PCDHA7: variants seen among roughly 807,000 people sequenced by gnomAD.
PCDHA7 encodes protocadherin alpha 7.
In PCDHA7, 37 loss-of-function variants were observed where a neutral mutation model predicts 57.2. The ratio of observed to expected loss-of-function variants is 0.65; its 90% CI spans 0.50 to 0.85. PCDHA7 has a LOEUF of 0.85. PCDHA7 is among the 40% of genes least tolerant of loss of function. The pLI is 0.00. For missense variants in PCDHA7, 1,188 were observed against 1,241.8 expected, an observed-to-expected ratio of 0.96 and a Z score of 0.65; for synonymous variants, 553 against 558.8, an observed-to-expected ratio of 0.99 and a Z score of 0.15.
intron 3 of PCDHA7, among the ~76,000 whole-genome samples, chr5:140,985,739 CT>C (rs11372071): frequency 0.013 from 1,497 of 117,900 alleles, 11 homozygotes; most frequent in African/African-American, 0.038. Flanking sequence ...TGATGAATTC[CT>C]TTTTTTTTTT....
At position 140,884,053 on chromosome 5, in the gene PCDHA7, C is replaced by A. The variant is rs782043806; in HGVS notation, c.2355+47315C>A. The stretch of plus-strand genomic sequence containing the variant: ...CAGGCCACGTGGTGGCGAAGGTGCG[C>A]GCGGTGGACGCCGATTCGGGCTACA... On this transcript the variant is annotated intron_variant, in intron 1 of 3. Transcript: ENST00000525929. 10 of 1,613,378 alleles carry A rather than the reference C, an allele frequency of 6.2e-6. No homozygotes were observed. The Admixed American group carries it at 1.2e-4, about 19-fold the overall frequency.
chr5:140,962,339 G>A (rs1454430913), intron 1 of PCDHA7, among the ~76,000 whole-genome samples: 1 of 152,152 alleles, frequency 6.6e-6, no homozygotes, highest in Non-Finnish European at 1.5e-5. Flanking sequence ...TGATAAAGAA[G>A]TAAAACTCCC....
At chr5:141,007,030 A>G (rs1554261014) in intron 3 of PCDHA7, among the ~76,000 whole-genome samples, 1 of 152,186 alleles carries the variant, frequency 6.6e-6, no homozygotes, top group African/African-American at 2.4e-5. Flanking sequence ...TATGGTATTT[A>G]TATCTATGGA....
chr5:140,976,374 A>G (rs1163913998), intron 1 of PCDHA7, among the ~76,000 whole-genome samples: 2 of 152,040 alleles, frequency 1.3e-5, no homozygotes, highest in Non-Finnish European at 2.9e-5. Context: ...AACATGGTGA[A>G]ACCCCATCTC....
At chr5:140,850,114 C>A (rs2150468329) in intron 1 of PCDHA7, 7 of 1,595,992 alleles carry the variant, frequency 4.4e-6, no homozygotes, top group Non-Finnish European at 5.1e-6. Flanking sequence ...GCGCGCGACG[C>A]GGGCGTGCCG....
chr5:140,932,002 T>G (rs1305093438), intron 1 of PCDHA7, among the ~76,000 whole-genome samples: 1 of 151,956 alleles, frequency 6.6e-6, no homozygotes, highest in East Asian at 1.9e-4. Flanking sequence ...CTAAGTTCTT[T>G]CATTTTAGTT....
intron 1 of PCDHA7, chr5:140,850,590 TA>T: frequency 6.3e-7 from 1 of 1,598,434 alleles, no homozygotes; most frequent in Non-Finnish European, 8.6e-7. Flanking sequence ...TGTCAACGTG[TA>T]CCTGATCATC....
intron 1 of PCDHA7, chr5:140,851,868 C>A: frequency 1.0e-6 from 1 of 976,710 alleles, no homozygotes; most frequent in Non-Finnish European, 1.2e-6. Context: ...ATACATAACA[C>A]AAGGCAGAAA....
chr5:140,928,288 C>T (rs541893248), intron 1 of PCDHA7: 37 of 1,614,156 alleles, frequency 2.3e-5, no homozygotes, highest in East Asian at 4.5e-5. Flanking sequence ...CTCTCTAGGC[C>T]GAGTGTTTGC....
intron 1 of PCDHA7, among the ~76,000 whole-genome samples, chr5:140,923,179 G>T (rs982663028): frequency 3.3e-5 from 5 of 152,130 alleles, no homozygotes; most frequent in Admixed American, 1.3e-4. Flanking sequence ...TTGTTCAGAT[G>T]CATCTACTGC....
Position 140,835,609 on chromosome 5 carries a change from T to C in PCDHA7, c.1226T>C (p.Leu409Pro). The change falls in exon 1 of 4, where the codon CTG becomes CCG. Residue 409 changes from leucine (L) to proline (P), a missense_variant. By Grantham distance (98) the Leu-to-Pro change is moderately conservative (BLOSUM62 -3). Coordinates refer to ENST00000525929, the MANE Select transcript of PCDHA7 (RefSeq NM_018910.3). ...TTCAAGAATTACTATTCATTGGTGC[T>C]GGACAGCGCTCTGGACCGCGAGAGT... The part of the protein sequence containing the change: ...STFKNYYSLV[L>P]DSALDRESVS... 1.2e-6 allele frequency: 2 copies of C among 1,613,962 alleles called. No homozygotes were observed. Among genetic ancestry groups the C allele is most frequent in the South Asian group, 2.2e-5 (2 of 91,076 alleles).
At chr5:140,882,016 A>C (rs1403488174) in intron 1 of PCDHA7, 1 of 543,846 alleles carries the variant, frequency 1.8e-6, no homozygotes, top group Non-Finnish European at 3.0e-6. Flanking sequence ...AAAAAATACT[A>C]CATCAATGGA....
At chr5:140,928,220 C>G in intron 1 of PCDHA7, 1 of 1,614,166 alleles carries the variant, frequency 6.2e-7, no homozygotes. Context: ...GACAATACAC[C>G]AAACTTTCCT....
chr5:140,851,627 C>G (rs1278178767), intron 1 of PCDHA7: 1 of 918,180 alleles, frequency 1.1e-6, no homozygotes, highest in Admixed American at 6.3e-5. Context: ...GCTTTTTAAA[C>G]AAGTGTTTCC....
At position 140,851,264 on chromosome 5, in the gene PCDHA7, A is replaced by G. The variant is rs1170850164; in HGVS notation, c.2355+14526A>G. The G allele has an allele frequency of 2.1e-5, 23 of 1,075,328 alleles. 1 individual carries two copies. The highest frequency in any genetic ancestry group is 4.3e-5 in the East Asian group (1 of 23,212). 66.6% of individuals were successfully genotyped at this position (1,075,328 alleles called of 1,614,324 possible). ...TAAATGATGCATAGTATTTTAGTCT[A>G]CTTGTATTGTTTATAAGAAACCCAA... On this transcript the variant is annotated intron_variant, in intron 1 of 3. Coordinates refer to ENST00000525929, the MANE Select transcript of PCDHA7 (RefSeq NM_018910.3).
At chr5:140,877,391 C>T (rs782042077) in intron 1 of PCDHA7, 21 of 1,613,950 alleles carry the variant, frequency 1.3e-5, no homozygotes, top group Non-Finnish European at 1.8e-5. Flanking sequence ...CTGGATGAGG[C>T]GGACGCTCCG....
intron 1 of PCDHA7, chr5:140,883,493 C>T (rs1554178441): frequency 6.2e-7 from 1 of 1,614,174 alleles, no homozygotes; most frequent in Non-Finnish European, 8.5e-7. Flanking sequence ...CTCATTAGTG[C>T]TGGACAGCGC....
chr5:140,875,813 T>A, intron 1 of PCDHA7: 2 of 1,614,174 alleles, frequency 1.2e-6, no homozygotes, highest in Non-Finnish European at 1.7e-6. Context: ...GACAGGCCGC[T>A]GCAGGTTTTC....
chr5:140,886,886 T>C (rs1554182794), intron 1 of PCDHA7, among the ~76,000 whole-genome samples: 1 of 151,610 alleles, frequency 6.6e-6, no homozygotes, highest in African/African-American at 2.4e-5. Flanking sequence ...CATTCATTAA[T>C]TAAATGCATT....
Sources: allele counts gnomAD v4.1 joint callset (sites outside exome capture counted in the v4.1 genomes callset), GRCh38; gene constraint gnomAD v4.1.1; transcripts MANE v1.5; gene names NCBI Gene and HGNC (gene_info 2026-07-23, HGNC 2026-07-21).